Variants in ATP12A observed in about 807,000 individuals in gnomAD.
The protein encoded by ATP12A is ATPase H+/K+ transporting non-gastric alpha2 subunit.
In ATP12A, 81 loss-of-function variants were observed where a neutral mutation model predicts 111.2. The ratio of observed to expected loss-of-function variants is 0.73; its 90% confidence interval spans 0.61 to 0.88. ATP12A has a LOEUF of 0.88. Among genes scored for constraint, ATP12A ranks in the 40% least tolerant of loss-of-function variants. The pLI, the probability that ATP12A is intolerant of heterozygous loss-of-function variation, is 0.00. For missense variants in ATP12A, 1,196 were observed against 1,313.1 expected (o/e 0.91, Z 1.38); for synonymous variants, 498 against 499.8 (o/e 1.00, Z 0.05).
In ATP12A at chr13:24,685,205, C is replaced by G. The variant is rs1874624905; in HGVS notation, c.169-109C>G. The G allele has an allele frequency of 4.9e-6, 5 of 1,028,184 alleles. No homozygotes were observed. Among genetic ancestry groups the G allele is most frequent in the South Asian group, 1.3e-5 (1 of 75,832 alleles). The allele number at this position is 1,028,184 out of a possible 1,614,324, so 63.7% of individuals were successfully genotyped here. On this transcript the variant is annotated intron_variant, in intron 2 of 22. Coordinates refer to ENST00000381946, the MANE Select transcript of ATP12A (RefSeq NM_001676.7). The surrounding 1 kb of genome is among the most constrained non-coding windows in gnomAD (Gnocchi z 5.5). ...CCTGTCCCCCACACTCCTCGATCCC[C>G]TCCCATCCTCAGGGCTGCTACTCCC...
Position 24,690,318 on chromosome 13 carries a change from G to A in ATP12A, c.547-20G>A. On this transcript the variant is annotated intron_variant, in intron 5 of 22. Coordinates refer to ENST00000381946, the MANE Select transcript of ATP12A (RefSeq NM_001676.7). ...TGTCCTTCCAGGGTCTGAGGCATCT[G>A]TCATGGTTTTTTTCTGCAGCAAGCT... The A allele has an allele frequency of 6.2e-7, 1 of 1,612,910 alleles. No homozygotes were observed. The highest frequency in any genetic ancestry group is 1.1e-5 in the South Asian group (1 of 90,888).
chr13:24,691,372 G>A (rs1435909478), intron 8 of ATP12A, 122 bp downstream of exon 8: 16 of 1,222,162 alleles, frequency 1.3e-5, no homozygotes, highest in African/African-American at 4.6e-5. Context: ...CCCCGCCAGC[G>A]ACAACCCTGG....
chr13:24,694,945 A>G (rs1005906234), intron 11 of ATP12A, among the ~76,000 whole-genome samples: 2 of 152,184 alleles, frequency 1.3e-5, no homozygotes, highest in Admixed American at 1.3e-4. Context: ...ACTCCAAAGC[A>G]TAAATGCCAG....
Position 24,700,741 on chromosome 13 carries a change from T to A in ATP12A, c.1706-6T>A. On this transcript the variant is annotated splice_polypyrimidine_tract_variant and splice_region_variant and intron_variant, in intron 12 of 22. Transcript: ENST00000381946. Reference sequence around the variant, plus strand: ...TCACTGACTCACTAATTCATCTGTATTACAGGTTTCTGTCATCTCTACCTG... The same window carrying A: ...TCACTGACTCACTAATTCATCTGTAATACAGGTTTCTGTCATCTCTACCTG... 6.2e-7 allele frequency: 1 copy of A among 1,613,076 alleles called. No homozygotes were observed.
intron 10 of ATP12A, among the ~76,000 whole-genome samples, chr13:24,694,155 C>T (rs532949048): frequency 1.3e-5 from 2 of 152,302 alleles, no homozygotes; most frequent in South Asian, 4.1e-4. Context: ...AGGCTTTCTT[C>T]TCTGTGTATC....
Position 24,711,547 on chromosome 13 carries a change from C to T in ATP12A, c.*25C>T, listed in dbSNP as rs779728503. 6.2e-7 allele frequency: 1 copy of T among 1,614,030 alleles called. No individual in the cohort carries two copies. The highest frequency in any genetic ancestry group is 2.2e-5 in the East Asian group (1 of 44,884). ...AGACCACCTCCCTTCCTATGTCTCTCAGCAGCACGTTGGGGCACACTTGTT... is the reference window on the plus strand; with the variant it reads ...AGACCACCTCCCTTCCTATGTCTCTTAGCAGCACGTTGGGGCACACTTGTT... On this transcript the variant is annotated 3_prime_UTR_variant, in exon 23 of 23. Coordinates refer to ENST00000381946, the MANE Select transcript of ATP12A (RefSeq NM_001676.7).
At chr13:24,705,307 C>A (rs987064759) in intron 14 of ATP12A, among the ~76,000 whole-genome samples, 1 of 152,188 alleles carries the variant, frequency 6.6e-6, no homozygotes, top group African/African-American at 2.4e-5. Context: ...GAGCATCCAG[C>A]GGGCAGGAGG....
chr13:24,693,243 T>C (rs1029806774), intron 10 of ATP12A, among the ~76,000 whole-genome samples: 50 of 152,164 alleles, frequency 3.3e-4, no homozygotes, highest in African/African-American at 1.1e-3. Context: ...TGTGATTGAA[T>C]AAAAATAAAA....
In ATP12A at chr13:24,711,789, T is replaced by A. The variant is rs1047349039; in HGVS notation, c.*267T>A. ...TTCGAGGTAATGGTATAGGGAAGAA[T>A]GTGTTTATGTGTATTTGAAACTCCT... On this transcript the variant is annotated 3_prime_UTR_variant, in exon 23 of 23. Coordinates refer to ENST00000381946, the MANE Select transcript of ATP12A (RefSeq NM_001676.7). 3 of 530,688 alleles carry A rather than the reference T, an allele frequency of 5.7e-6. No individual in the cohort carries two copies. The highest frequency in any genetic ancestry group is 2.1e-5 in the South Asian group (1 of 47,424). The allele number at this position is 530,688 out of a possible 1,614,324, so 32.9% of individuals were successfully genotyped here.
At chr13:24,700,407 ATG>A (rs1875341849) in intron 12 of ATP12A, among the ~76,000 whole-genome samples, 1 of 152,104 alleles carries the variant, frequency 6.6e-6, no homozygotes, top group Non-Finnish European at 1.5e-5. Flanking sequence ...GGCAGCTGAA[ATG>A]TGTCTCTGCC....
chr13:24,692,313 A>C (rs1874938911), intron 8 of ATP12A, 116 bp from the exon 9 acceptor site: 2 of 1,162,368 alleles, frequency 1.7e-6, no homozygotes, highest in Non-Finnish European at 2.4e-6. Context: ...CTCTCCCCTA[A>C]AACTAGTCCA....
At chr13:24,709,534 G>A (rs781132296) in intron 18 of ATP12A, 47 bp downstream of exon 18, 1 of 1,602,836 alleles carries the variant, frequency 6.2e-7, no homozygotes, top group South Asian at 1.1e-5. Context: ...CCTGCCCCGA[G>A]AATTCACTGG....
intron 8 of ATP12A, among the ~76,000 whole-genome samples, chr13:24,692,194 G>T (rs1264230503): frequency 3.3e-5 from 5 of 152,134 alleles, no homozygotes; most frequent in Non-Finnish European, 2.9e-5. Context: ...AAGTCATGAA[G>T]GAACAAGAAA....
chr13:24,684,515 A>G (rs1345188736), intron 2 of ATP12A, among the ~76,000 whole-genome samples: 1 of 152,152 alleles, frequency 6.6e-6, no homozygotes, highest in Admixed American at 6.5e-5. Flanking sequence ...GTTTTCTGCT[A>G]CAGGAAGAGA....
rs754548228 is a variant in ATP12A at position 24,685,303 on chromosome 13, A to C, written c.169-11A>C. ...TCTAATTCACTCTGTTCTTCCTTTC[A>C]TGGACTTCAGGATGACCACAAACTC... On this transcript the variant is annotated splice_polypyrimidine_tract_variant and intron_variant, in intron 2 of 22. Coordinates refer to ENST00000381946, the MANE Select transcript of ATP12A (RefSeq NM_001676.7). This position sits in a 1 kb window ranked among gnomAD's most constrained non-coding sequence, Gnocchi z 5.5. 2 of 1,612,800 alleles carry C rather than the reference A, an allele frequency of 1.2e-6. No individual in the cohort carries two copies. The highest frequency in any genetic ancestry group is 1.7e-6 in the Non-Finnish European group (2 of 1,178,870).
intron 11 of ATP12A, among the ~76,000 whole-genome samples, chr13:24,695,600 CTTTTTT>C (rs34227271): frequency 4.6e-4 from 41 of 88,410 alleles, no homozygotes; most frequent in African/African-American, 1.9e-3. Flanking sequence ...GGGAAGAACT[CTTTTTT>C]TTTTTTTTTT....
chr13:24,686,698 C>A (rs1874683435), intron 3 of ATP12A, among the ~76,000 whole-genome samples: 1 of 152,032 alleles, frequency 6.6e-6, no homozygotes, highest in Non-Finnish European at 1.5e-5. Flanking sequence ...GAGATCGCGC[C>A]ACTGCCCTCC....
intron 10 of ATP12A, among the ~76,000 whole-genome samples, chr13:24,693,105 T>C (rs535965576): frequency 6.6e-6 from 1 of 152,360 alleles, no homozygotes; most frequent in Admixed American, 6.5e-5. Context: ...TTCAGAATAT[T>C]GCTTTAGCGT....
rs1459186112 is a variant in ATP12A at position 24,690,342 on chromosome 13, C to A, written c.551C>A (p.Ala184Asp). The A allele has an allele frequency of 6.2e-7, 1 of 1,612,796 alleles. No individual in the cohort carries two copies. The highest frequency in any genetic ancestry group is 1.1e-5 in the South Asian group (1 of 90,948). Reference sequence around the variant, plus strand: ...TGTCATGGTTTTTTTCTGCAGCAAGCTCTCGTCATCCGAGATTCCGAGAAG... The same window carrying A: ...TGTCATGGTTTTTTTCTGCAGCAAGATCTCGTCATCCGAGATTCCGAGAAG... ...SSFNKMIPQQ[A>D]LVIRDSEKKT... The change falls in exon 6 of 23, where the codon GCT becomes GAT. Residue 184 changes from alanine to aspartate, a missense_variant. Ala to Asp is a moderately radical substitution (Grantham distance 126). Transcript: ENST00000381946.
Sources: gnomAD v4.1 joint callset for allele counts (sites outside exome capture counted in the v4.1 genomes callset) on GRCh38, gnomAD v4.1.1 for gene constraint, Gnocchi (gnomAD v3.1) non-coding constraint, MANE v1.5 for transcripts, NCBI Gene and HGNC (gene_info 2026-07-23, HGNC 2026-07-21) for gene names.